Variants in ERBB4 observed in about 807,000 individuals in gnomAD.
The protein encoded by ERBB4 is receptor tyrosine-protein kinase erbB-4.
ERBB4 carries 42 observed loss-of-function variants against 158.0 expected under a neutral mutation model. The ratio of observed to expected loss-of-function variants is 0.27; its 90% CI spans 0.21 to 0.34. The LOEUF (loss-of-function observed/expected upper bound fraction) is 0.34. ERBB4 is among the 10% of genes least tolerant of loss of function. ERBB4 has a pLI of 1.00. For synonymous variants in ERBB4, 583 were observed against 558.7 expected (o/e 1.04, Z -0.61); for missense variants, 1,333 against 1,624.1 (o/e 0.82, Z 3.08).
intron 20 of ERBB4, among the ~76,000 whole-genome samples, chr2:211,507,762 C>T (rs1186355040): frequency 1.3e-5 from 2 of 152,106 alleles, no homozygotes; most frequent in African/African-American, 4.8e-5. Context: ...ACCAAAACAG[C>T]ATGGTAGTGG....
chr2:211,633,686 T>C (rs2070236851), intron 16 of ERBB4, among the ~76,000 whole-genome samples: 1 of 148,990 alleles, frequency 6.7e-6, no homozygotes, highest in Non-Finnish European at 1.5e-5. Context: ...GACATTCACT[T>C]TAAAACTCCA....
In ERBB4 at chr2:211,505,971, A is replaced by AT. The variant is rs879897769; in HGVS notation, c.2487+55931_2487+55932insA. 1.9e-3 allele frequency among the ~76,000 whole-genome samples: 292 copies of AT among 151,884 alleles called. 3 individuals are homozygous for AT. The highest frequency in any genetic ancestry group is 0.014 in the Middle Eastern group (4 of 294). On this transcript the variant is annotated intron_variant, in intron 20 of 27. Transcript: ENST00000342788. ...CGAGACTCCATCTCAAAAAAAAAAA[A>AT]AAAAAGTTATAGACAGGTAAACTGG...
At chr2:212,389,588 A>C (rs1349809212) in intron 1 of ERBB4, among the ~76,000 whole-genome samples, 1 of 152,036 alleles carries the variant, frequency 6.6e-6, no homozygotes. Context: ...AATATGGAAC[A>C]CTGTGTATTT....
chr2:211,591,822 A>C (rs2068476111), intron 19 of ERBB4, among the ~76,000 whole-genome samples: 1 of 152,210 alleles, frequency 6.6e-6, no homozygotes. Flanking sequence ...TGAAATATAA[A>C]AACCATGTAA....
Position 211,712,067 on chromosome 2 carries a change from T to C in ERBB4, c.1107A>G (p.Leu369=). Reference sequence around the variant, plus strand: ...ATACTGACCCATGAATACCAGTGACTAGAAAGATCAAATTCCCATTGATCT... The same window carrying C: ...ATACTGACCCATGAATACCAGTGACCAGAAAGATCAAATTCCCATTGATCT... ...CTKINGNLIF[L]VTGIHGDPYN... is the part of the protein sequence containing the mutation. Residue 369 remains leucine, a synonymous_variant, in exon 9 of 28, where the codon CTA becomes CTG. Transcript: ENST00000342788. 6.2e-7 allele frequency: 1 copy of C among 1,612,332 alleles called. No homozygotes were observed. The highest frequency in any genetic ancestry group is 8.5e-7 in the Non-Finnish European group (1 of 1,178,476).
intron 15 of ERBB4, among the ~76,000 whole-genome samples, chr2:211,664,386 T>C (rs1490776366): frequency 1.3e-5 from 2 of 152,086 alleles, no homozygotes; most frequent in African/African-American, 4.8e-5. Context: ...TGTGTTTATA[T>C]GTGTATGTGC....
chr2:212,340,225 T>A (rs924876574), intron 1 of ERBB4, among the ~76,000 whole-genome samples: 4 of 151,896 alleles, frequency 2.6e-5, no homozygotes, highest in Non-Finnish European at 5.9e-5. Flanking sequence ...AAATACTCCA[T>A]GATCTCAAAT....
At chr2:212,290,303 C>T (rs911979130) in intron 1 of ERBB4, among the ~76,000 whole-genome samples, 6 of 152,098 alleles carry the variant, frequency 3.9e-5, no homozygotes, top group Admixed American at 2.6e-4. Flanking sequence ...ATCGTTCCAA[C>T]GACTTCTACG....
At chr2:211,630,376 T>C (rs146865683) in intron 17 of ERBB4, 86 bp downstream of exon 17, 1 of 1,499,338 alleles carries the variant, frequency 6.7e-7, no homozygotes, top group Non-Finnish European at 9.2e-7. Flanking sequence ...AGAATTTTAC[T>C]TGGATTAAAT....
At chr2:211,570,070 T>G (rs1033790155) in intron 19 of ERBB4, among the ~76,000 whole-genome samples, 5 of 152,200 alleles carry the variant, frequency 3.3e-5, no homozygotes, top group Admixed American at 1.3e-4. Flanking sequence ...ATTCATGAGA[T>G]TTTGCCTAAA....
Position 211,624,145 on chromosome 2 carries a change from G to GC in ERBB4, c.2080-102_2080-101insG, listed in dbSNP as rs76332141. 0.89 allele frequency: 1,348,966 copies of GC among 1,507,302 alleles called. 604,911 individuals are homozygous for GC. The highest frequency in any genetic ancestry group is 0.93 in the Admixed American group (54,365 of 58,276). The allele number at this position is 1,507,302 out of a possible 1,614,324, so 93.4% of individuals were successfully genotyped here. A position where few individuals can be genotyped will look rare whatever the true frequency, so the allele number is the denominator to read the frequency against. ...TCTCTTTGGTTCTCTTTCTTACAAA[G>GC]AAAAACACACCAACTTGGTTTGCCT... On this transcript the variant is annotated intron_variant, in intron 17 of 27. Coordinates refer to ENST00000342788, the MANE Select transcript of ERBB4 (RefSeq NM_005235.3).
intron 25 of ERBB4, among the ~76,000 whole-genome samples, chr2:211,408,929 A>G (rs1672883215): frequency 6.6e-6 from 1 of 152,200 alleles, no homozygotes; most frequent in South Asian, 2.1e-4. Context: ...TTTGAATTAC[A>G]CTGCTTGTAG....
At chr2:211,894,471 T>A (rs1409093908) in intron 3 of ERBB4, among the ~76,000 whole-genome samples, 1 of 143,406 alleles carries the variant, frequency 7.0e-6, no homozygotes, top group Non-Finnish European at 1.5e-5. Context: ...AGATGACGAG[T>A]TAGTGGGTGC....
At chr2:211,899,753 C>A (rs994666147) in intron 3 of ERBB4, among the ~76,000 whole-genome samples, 1 of 152,016 alleles carries the variant, frequency 6.6e-6, no homozygotes, top group African/African-American at 2.4e-5. Context: ...CTGAGCTTGC[C>A]ACTAATCATC....
At chr2:211,742,337 C>G (rs938366658) in intron 5 of ERBB4, among the ~76,000 whole-genome samples, 1 of 152,114 alleles carries the variant, frequency 6.6e-6, no homozygotes, top group African/African-American at 2.4e-5. Flanking sequence ...AGTTTATTAT[C>G]CAAATAATTT....
intron 25 of ERBB4, among the ~76,000 whole-genome samples, chr2:211,412,811 G>A (rs926115398): frequency 6.6e-6 from 1 of 151,676 alleles, no homozygotes; most frequent in Non-Finnish European, 1.5e-5. Flanking sequence ...AAAATTAGCC[G>A]AGTGTGGTGG....
intron 1 of ERBB4, among the ~76,000 whole-genome samples, chr2:212,280,109 A>C (rs2085697044): frequency 1.3e-5 from 2 of 151,624 alleles, no homozygotes; most frequent in African/African-American, 4.8e-5. Context: ...AAATAAAATA[A>C]AATCCTAAAT....
At chr2:212,411,294 T>C (rs998183046) in intron 1 of ERBB4, among the ~76,000 whole-genome samples, 2 of 152,126 alleles carry the variant, frequency 1.3e-5, no homozygotes, top group Non-Finnish European at 2.9e-5. Flanking sequence ...ATGCCTCTTA[T>C]CAACTTCAGC....
At chr2:212,157,707 T>G (rs2081083316) in intron 1 of ERBB4, among the ~76,000 whole-genome samples, 1 of 152,122 alleles carries the variant, frequency 6.6e-6, no homozygotes. Flanking sequence ...TAAGTCTTAT[T>G]CAGTAGAATA....
Sources: allele counts gnomAD v4.1 joint callset (sites outside exome capture counted in the v4.1 genomes callset), GRCh38; gene constraint gnomAD v4.1.1; transcripts MANE v1.5; gene names NCBI Gene and HGNC (gene_info 2026-07-23, HGNC 2026-07-21).